Variants in SAMSN1 observed in about 807,000 individuals in gnomAD.
The protein encoded by SAMSN1 is SAM domain-containing protein SAMSN-1.
Under a neutral mutation model 42.0 loss-of-function variants are expected in SAMSN1, and 31 were observed. That is an observed-to-expected ratio of 0.74 (90% CI 0.55 to 1.00). SAMSN1 has a LOEUF of 1.00. Among genes scored for constraint, SAMSN1 ranks in the 50% least tolerant of loss-of-function variants. The pLI, the probability that SAMSN1 is intolerant of heterozygous loss-of-function variation, is 0.00. For missense variants in SAMSN1, 464 were observed against 439.4 expected, an observed-to-expected ratio of 1.06 and a Z score of -0.50; for synonymous variants, 178 against 151.9, an observed-to-expected ratio of 1.17 and a Z score of -1.26.
At chr21:14,622,135 A>G (rs545165884) in intron 2 of SAMSN1, among the ~76,000 whole-genome samples, 1 of 152,352 alleles carries the variant, frequency 6.6e-6, no homozygotes, top group South Asian at 2.1e-4. Context: ...CATCACCATC[A>G]TCAAAGACCA....
chr21:14,583,758 C>A, upstream of SAMSN1: 3 of 717,862 alleles, frequency 4.2e-6, no homozygotes, highest in South Asian at 1.5e-5. Flanking sequence ...TCCACAGGGT[C>A]ACTGCCTGAT....
intron 1 of SAMSN1, among the ~76,000 whole-genome samples, chr21:14,648,170 T>C (rs1983756961): frequency 6.6e-6 from 1 of 152,092 alleles, no homozygotes; most frequent in Non-Finnish European, 1.5e-5. Context: ...CATCAATACC[T>C]AATTTATTGA....
At chr21:14,516,179 G>T (rs758518583) in intron 3 of SAMSN1, among the ~76,000 whole-genome samples, 6 of 152,096 alleles carry the variant, frequency 3.9e-5, no homozygotes, top group Non-Finnish European at 8.8e-5. Context: ...TTGAACAGAA[G>T]TATCTGTAGC....
Position 14,486,242 on chromosome 21 carries a change from TG to T in SAMSN1, c.920-129del, listed in dbSNP as rs1202863370. 6.2e-6 allele frequency: 4 copies of T among 647,426 alleles called. No homozygotes were observed. The Admixed American group carries it at 1.1e-4, about 18-fold the overall frequency. The allele number at this position is 647,426 out of a possible 1,614,324, so 40.1% of individuals were successfully genotyped here. ...ATGACTTCATTACAATGGAAAGTTC[TG>T]CAAGTAAAAGGTATCTTTGTTTATT... On this transcript the variant is annotated intron_variant, in intron 7 of 7. Transcript: ENST00000400566.
At chr21:14,528,830 C>T (rs1229103063) in intron 1 of SAMSN1, among the ~76,000 whole-genome samples, 2 of 152,126 alleles carry the variant, frequency 1.3e-5, no homozygotes, top group Non-Finnish European at 1.5e-5. Flanking sequence ...GTAAAGCTTG[C>T]TCCACATTGC....
intron 1 of SAMSN1, among the ~76,000 whole-genome samples, chr21:14,536,674 A>G (rs1416051429): frequency 1.3e-5 from 2 of 152,088 alleles, no homozygotes; most frequent in Non-Finnish European, 2.9e-5. Context: ...ATGGAAAATT[A>G]TATGTTTAAG....
intron 1 of SAMSN1, among the ~76,000 whole-genome samples, chr21:14,655,197 A>T (rs1983896784): frequency 6.6e-6 from 1 of 152,032 alleles, no homozygotes; most frequent in East Asian, 1.9e-4. Context: ...ATATTAAATA[A>T]TCAAAAATTA....
At chr21:14,581,340 A>ATTTGTTTT in intron 2 of SAMSN1, among the ~76,000 whole-genome samples, 1 of 22,536 alleles carries the variant, frequency 4.4e-5, no homozygotes, top group Non-Finnish European at 1.1e-4. Flanking sequence ...GGGAAATAAT[A>ATTTGTTTT]TTTCTTTTTT....
chr21:14,523,941 T>A (rs911194850), intron 1 of SAMSN1, among the ~76,000 whole-genome samples: 20 of 152,218 alleles, frequency 1.3e-4, no homozygotes, highest in Non-Finnish European at 2.8e-4. Flanking sequence ...TTGTCAGTCA[T>A]CTCATCACTA....
chr21:14,594,159 C>A, intron 6 of SAMSN1: 1 of 611,220 alleles, frequency 1.6e-6, no homozygotes, highest in Non-Finnish European at 3.0e-6. Flanking sequence ...CACAAAGCTA[C>A]CAAACTAATT....
At chr21:14,644,574 G>A (rs1983676315) in intron 1 of SAMSN1, among the ~76,000 whole-genome samples, 1 of 152,180 alleles carries the variant, frequency 6.6e-6, no homozygotes, top group Non-Finnish European at 1.5e-5. Context: ...AGTGGCTTTA[G>A]ATGAGACTCA....
At position 14,539,487 on chromosome 21, in the gene SAMSN1, T is replaced by C. The variant is rs559908873; in HGVS notation, c.57+6718A>G. On this transcript the variant is annotated intron_variant, in intron 1 of 7. Coordinates refer to ENST00000400566, the MANE Select transcript of SAMSN1 (RefSeq NM_022136.5). ...AGTGTGCGAAAATCACAAGCATTCT[T>C]ACACACCAATAACAGACAAACAGAG... Among the ~76,000 whole-genome samples, 29 of 152,218 alleles carry C rather than the reference T, an allele frequency of 1.9e-4. No individual in the cohort carries two copies. The South Asian group carries it at 6.0e-3, about 32-fold the overall frequency.
intron 2 of SAMSN1, among the ~76,000 whole-genome samples, chr21:14,622,621 G>C (rs2123345541): frequency 6.6e-6 from 1 of 152,354 alleles, no homozygotes; most frequent in East Asian, 1.9e-4. Context: ...GGGACTATGT[G>C]AAAAGACCAA....
At chr21:14,546,093 T>C (rs781197654) in intron 1 of SAMSN1, 112 bp downstream of exon 1, 9 of 922,876 alleles carry the variant, frequency 9.8e-6, no homozygotes, top group African/African-American at 8.4e-5. Context: ...TTAAACCCTA[T>C]GTTTGACTTA....
intron 2 of SAMSN1, among the ~76,000 whole-genome samples, chr21:14,618,687 T>C (rs747619545): frequency 1.7e-4 from 5 of 30,018 alleles, no homozygotes; most frequent in African/African-American, 3.6e-4. Flanking sequence ...TGTGTGTGTG[T>C]GTGTGCGCGC....
intron 3 of SAMSN1, among the ~76,000 whole-genome samples, chr21:14,515,290 G>A (rs1184588297): frequency 6.6e-6 from 1 of 152,096 alleles, no homozygotes; most frequent in Non-Finnish European, 1.5e-5. Flanking sequence ...CAATAAAGTA[G>A]AATTGGGAGT....
intron 2 of SAMSN1, among the ~76,000 whole-genome samples, chr21:14,619,943 C>T (rs1256891828): frequency 6.7e-6 from 1 of 148,714 alleles, no homozygotes; most frequent in Non-Finnish European, 1.5e-5. Context: ...GAATACCTGT[C>T]ATTTGAGAGC....
intron 1 of SAMSN1, among the ~76,000 whole-genome samples, chr21:14,531,988 T>G (rs1443068468): frequency 6.6e-6 from 1 of 151,240 alleles, no homozygotes; most frequent in Non-Finnish European, 1.5e-5. Context: ...TCTCAAAAAG[T>G]TTTTTTTTGA....
chr21:14,639,340 G>A (rs149928960), intron 2 of SAMSN1, among the ~76,000 whole-genome samples: 19 of 152,262 alleles, frequency 1.2e-4, no homozygotes, highest in African/African-American at 4.3e-4. Context: ...GCCACATCTC[G>A]TGAGGACCTT....
Sources: allele counts gnomAD v4.1 joint callset (sites outside exome capture counted in the v4.1 genomes callset), GRCh38; gene constraint gnomAD v4.1.1; transcripts MANE v1.5; gene names NCBI Gene and HGNC (gene_info 2026-07-23, HGNC 2026-07-21).